The following FAT3 variants were observed in gnomAD, a reference collection of about 807,000 sequenced individuals.
The protein encoded by FAT3 is FAT atypical cadherin 3, also known as protocadherin Fat 3.
Under a neutral mutation model 310.2 loss-of-function variants are expected in FAT3, and 95 were observed. The ratio of observed to expected loss-of-function variants is 0.31; its 90% CI spans 0.26 to 0.36. FAT3 has a LOEUF of 0.36. FAT3 is among the 10% of genes least tolerant of loss of function. The pLI, the probability that FAT3 is intolerant of heterozygous loss-of-function variation, is 1.00. For missense variants in FAT3, 5,408 were observed against 5,715.6 expected (o/e 0.95, Z 1.74); for synonymous variants, 2,314 against 2,192.9 (o/e 1.06, Z -1.54).
intron 2 of FAT3, among the ~76,000 whole-genome samples, chr11:92,461,491 T>G (rs993170254): frequency 6.6e-6 from 1 of 152,098 alleles, no homozygotes; most frequent in East Asian, 1.9e-4. Context: ...ATGAACATCA[T>G]AATGTTGAAA....
At chr11:92,438,050 C>G (rs1950982534) in intron 2 of FAT3, among the ~76,000 whole-genome samples, 1 of 152,074 alleles carries the variant, frequency 6.6e-6, no homozygotes, top group African/African-American at 2.4e-5. Context: ...TGAAAATGTG[C>G]CTGCCTCTGC....
chr11:92,241,601 T>C (rs1371392624), intron 1 of FAT3, among the ~76,000 whole-genome samples: 6 of 152,216 alleles, frequency 3.9e-5, no homozygotes, highest in Non-Finnish European at 8.8e-5. Context: ...TTTCATCTGA[T>C]TGAGCAGATG....
At chr11:92,441,597 A>G (rs589449) in intron 2 of FAT3, among the ~76,000 whole-genome samples, 101,793 of 151,984 alleles carry the variant, frequency 0.67, 37,638 homozygotes, top group Non-Finnish European at 0.8. Flanking sequence ...ATTGCTCTCT[A>G]TCAATACCTG....
chr11:92,880,560 G>A (rs1417815206), intron 22 of FAT3, among the ~76,000 whole-genome samples, 171 bp from the exon 23 acceptor site: 3 of 151,904 alleles, frequency 2.0e-5, no homozygotes, highest in Non-Finnish European at 4.4e-5. Context: ...CTGTAACTTG[G>A]CATTTTTGTG....
chr11:92,740,971 T>G (rs1423234355), intron 4 of FAT3, among the ~76,000 whole-genome samples: 1 of 152,184 alleles, frequency 6.6e-6, no homozygotes, highest in South Asian at 2.1e-4. Context: ...TTTCCTTTAC[T>G]TATCCTGCCC....
chr11:92,646,862 C>A lies in FAT3; in HGVS notation c.3608-50522C>A, dbSNP rs572915206. On this transcript the variant is annotated intron_variant, in intron 3 of 27. Transcript: ENST00000525166. ...TAGTGATAAAAGGACATGGCCATCACCATTTTTGGAAGGACTTGTAGGAAA... is the reference window on the plus strand; with the variant it reads ...TAGTGATAAAAGGACATGGCCATCAACATTTTTGGAAGGACTTGTAGGAAA... Among the ~76,000 whole-genome samples the A allele has an allele frequency of 2.0e-5, 3 of 152,246 alleles. No homozygotes were observed. In the South Asian group the frequency reaches 6.2e-4, roughly 32 times the overall value.
intron 3 of FAT3, among the ~76,000 whole-genome samples, chr11:92,537,895 G>C (rs1397526071): frequency 6.6e-6 from 1 of 152,150 alleles, no homozygotes. Context: ...TTTTGTTAAA[G>C]AGTGGAAGAA....
intron 3 of FAT3, among the ~76,000 whole-genome samples, chr11:92,680,473 A>G (rs1943449469): frequency 1.3e-5 from 2 of 152,154 alleles, no homozygotes; most frequent in Admixed American, 1.3e-4. Context: ...CTATGTGCCT[A>G]TTTTTATACC....
intron 3 of FAT3, among the ~76,000 whole-genome samples, chr11:92,561,986 T>C (rs1955244162): frequency 6.6e-6 from 1 of 152,140 alleles, no homozygotes; most frequent in Non-Finnish European, 1.5e-5. Context: ...AGTAGGAGTA[T>C]TTGTGTCTAC....
intron 1 of FAT3, among the ~76,000 whole-genome samples, chr11:92,288,973 C>T (rs1015374152): frequency 4.6e-5 from 7 of 152,108 alleles, no homozygotes; most frequent in Admixed American, 2.6e-4. Context: ...GACAACACCA[C>T]CTCAGAACTG....
At chr11:92,683,667 G>A (rs1185586376) in intron 3 of FAT3, among the ~76,000 whole-genome samples, 1 of 152,096 alleles carries the variant, frequency 6.6e-6, no homozygotes, top group Non-Finnish European at 1.5e-5. Context: ...AACCACCCCA[G>A]TGCCTAGCCA....
chr11:92,737,398 C>G (rs148523265), intron 4 of FAT3, among the ~76,000 whole-genome samples: 48 of 152,108 alleles, frequency 3.2e-4, no homozygotes, highest in Admixed American at 7.2e-4. Flanking sequence ...GTGGTGGTGT[C>G]AGATGAAGTA....
intron 3 of FAT3, among the ~76,000 whole-genome samples, chr11:92,658,433 A>C (rs1305820780): frequency 1.3e-5 from 2 of 152,182 alleles, no homozygotes; most frequent in South Asian, 4.1e-4. Context: ...CAGACTCAGC[A>C]TCATTCACAG....
At chr11:92,631,707 A>T (rs1395319037) in intron 3 of FAT3, among the ~76,000 whole-genome samples, 1 of 152,132 alleles carries the variant, frequency 6.6e-6, no homozygotes, top group African/African-American at 2.4e-5. Flanking sequence ...CAATGCCAAA[A>T]TGAACTAATA....
intron 2 of FAT3, among the ~76,000 whole-genome samples, chr11:92,409,881 C>CT (rs1170637241): frequency 1.3e-5 from 2 of 152,016 alleles, no homozygotes; most frequent in African/African-American, 4.8e-5. Flanking sequence ...GAAAACAGAA[C>CT]TTTAATTTTT....
chr11:92,577,642 A>C (rs1938556613), intron 3 of FAT3, among the ~76,000 whole-genome samples: 1 of 152,128 alleles, frequency 6.6e-6, no homozygotes, highest in Admixed American at 6.6e-5. Flanking sequence ...CTTACTGTGC[A>C]GTAAGACTTT....
chr11:92,448,039 A>T (rs908459750), intron 2 of FAT3, among the ~76,000 whole-genome samples: 1 of 152,120 alleles, frequency 6.6e-6, no homozygotes, highest in Non-Finnish European at 1.5e-5. Context: ...TGGCCGGGAC[A>T]CTGATGGCTC....
intron 2 of FAT3, among the ~76,000 whole-genome samples, chr11:92,470,348 C>G (rs1480418779): frequency 6.6e-6 from 1 of 152,194 alleles, no homozygotes; most frequent in Non-Finnish European, 1.5e-5. Flanking sequence ...TGTCTTCCAC[C>G]ATCAGTTATA....
chr11:92,543,498 G>A (rs983908277), intron 3 of FAT3, among the ~76,000 whole-genome samples: 2 of 152,164 alleles, frequency 1.3e-5, no homozygotes, highest in African/African-American at 4.8e-5. Context: ...GAGAAATCTA[G>A]GTGACTAAAC....
Sources: gnomAD v4.1 joint callset for allele counts (sites outside exome capture counted in the v4.1 genomes callset) on GRCh38, gnomAD v4.1.1 for gene constraint, MANE v1.5 for transcripts, NCBI Gene and HGNC (gene_info 2026-07-23, HGNC 2026-07-21) for gene names.